The following CHID1 variants were observed in gnomAD, a reference collection of about 807,000 sequenced individuals.
CHID1 encodes chitinase domain-containing protein 1.
A neutral mutation model predicts 55.4 loss-of-function variants in CHID1; 44 were observed. That is an observed-to-expected ratio of 0.79 (90% CI 0.62 to 1.02). The LOEUF (loss-of-function observed/expected upper bound fraction) is 1.02. Among genes scored for constraint, CHID1 ranks in the 50% least tolerant of loss-of-function variants. CHID1 has a pLI of 0.00. For missense variants in CHID1, 491 were observed against 515.3 expected (o/e 0.95, Z 0.46); for synonymous variants, 216 against 212.9 (o/e 1.01, Z -0.13).
chr11:900,372 T>G (rs1851717993), intron 5 of CHID1, among the ~76,000 whole-genome samples: 1 of 152,144 alleles, frequency 6.6e-6, no homozygotes, highest in South Asian at 2.1e-4. Context: ...CCCACACGGC[T>G]CAGCATGGTT....
chr11:913,142 C>CT (rs72085857), upstream of CHID1, among the ~76,000 whole-genome samples: 1 of 100,050 alleles, frequency 1.0e-5, no homozygotes, highest in Non-Finnish European at 2.4e-5. Context: ...AGGAAAATTG[C>CT]CCCCCCCCGC....
intron 10 of CHID1, among the ~76,000 whole-genome samples, chr11:878,849 G>T (rs1849695915): frequency 6.6e-6 from 1 of 151,122 alleles, no homozygotes; most frequent in African/African-American, 2.4e-5. Flanking sequence ...ACCACACCCG[G>T]CTAATTTTTT....
chr11:915,018 T>A (rs1191397346), upstream of CHID1: 1 of 162,174 alleles, frequency 6.2e-6, no homozygotes, highest in Admixed American at 6.4e-5. Context: ...AACATTCTAG[T>A]TCAGAGGCCG....
chr11:897,406 C>T (rs1222982513), intron 7 of CHID1, among the ~76,000 whole-genome samples: 1 of 152,224 alleles, frequency 6.6e-6, no homozygotes, highest in African/African-American at 2.4e-5. Flanking sequence ...CCCACTCTCC[C>T]AGGATTAGTG....
intron 8 of CHID1, among the ~76,000 whole-genome samples, chr11:889,793 A>G (rs1850665889): frequency 6.6e-6 from 1 of 152,108 alleles, no homozygotes; most frequent in Non-Finnish European, 1.5e-5. Context: ...CCCAACCCTA[A>G]CAGATGCTGG....
rs146843043 is a variant in CHID1, at chr11:904,723, T to C, written c.94A>G (p.Lys32Glu). ...ACCCTTACCTTCTCCAGCAGCGTCTTTGAGGCGGCTTTTTTGGCATCTGAC... is the reference window on the plus strand; with the variant it reads ...ACCCTTACCTTCTCCAGCAGCGTCTCTGAGGCGGCTTTTTTGGCATCTGAC... ...SKSDAKKAAS[K>E]TLLEKSQFSD... The change falls in exon 2 of 13, where the codon AAG becomes GAG. Residue 32 changes from lysine to glutamate, a missense_variant. By Grantham distance (56) the Lys-to-Glu change is moderately conservative. Coordinates refer to ENST00000323578, the MANE Select transcript of CHID1 (RefSeq NM_023947.4). 51 of 1,614,126 alleles carry C rather than the reference T, an allele frequency of 3.2e-5. No individual in the cohort carries two copies. Among genetic ancestry groups the C allele is most frequent in the African/African-American group, 5.3e-5 (4 of 75,042 alleles).
chr11:893,853 T>C (rs1201569015), intron 7 of CHID1, among the ~76,000 whole-genome samples: 2 of 147,428 alleles, frequency 1.4e-5, no homozygotes, highest in East Asian at 2.0e-4. Context: ...AAAAAAAAGC[T>C]GGGCACGGTG....
intron 1 of CHID1, chr11:908,549 G>A (rs1302290691): frequency 2.0e-6 from 2 of 984,798 alleles, no homozygotes; most frequent in Non-Finnish European, 2.4e-6. Flanking sequence ...TGCCTGGCCA[G>A]GCTGAAACGG....
chr11:898,076 G>C (rs868726305), intron 7 of CHID1, among the ~76,000 whole-genome samples: 1 of 152,146 alleles, frequency 6.6e-6, no homozygotes, highest in Non-Finnish European at 1.5e-5. Context: ...CCACTCACAG[G>C]GGCAGGGCCT....
intron 8 of CHID1, among the ~76,000 whole-genome samples, chr11:891,298 C>T (rs774168473): frequency 2.0e-5 from 3 of 152,184 alleles, no homozygotes; most frequent in Admixed American, 6.5e-5. Context: ...GGACCCCCAC[C>T]GTGGGCCTCG....
At chr11:902,135 C>T in intron 4 of CHID1, 63 bp downstream of exon 4, 1 of 1,599,106 alleles carries the variant, frequency 6.3e-7, no homozygotes, top group Non-Finnish European at 8.6e-7. Flanking sequence ...CACACCCCTG[C>T]TCTCGCACTC....
chr11:901,058 G>A (rs1053854615), intron 4 of CHID1, 78 bp from the exon 5 acceptor site: 30 of 1,372,468 alleles, frequency 2.2e-5, no homozygotes, highest in Non-Finnish European at 2.6e-5. Context: ...GGAGGAAAAC[G>A]TGGCAGCCGC....
intron 10 of CHID1, among the ~76,000 whole-genome samples, chr11:881,087 T>C (rs1849879607): frequency 6.6e-6 from 1 of 152,064 alleles, no homozygotes; most frequent in South Asian, 2.1e-4. Context: ...TGAATCCCAA[T>C]CTGCAAAAGT....
chr11:870,586 G>A (rs912964246), intron 10 of CHID1, 87 bp from the exon 11 acceptor site: 15 of 953,116 alleles, frequency 1.6e-5, no homozygotes, highest in South Asian at 1.3e-4. Flanking sequence ...GCTCTCAGCA[G>A]GGGCAGGGCC....
chr11:873,583 C>T (rs1386489635), intron 10 of CHID1, among the ~76,000 whole-genome samples: 1 of 151,948 alleles, frequency 6.6e-6, no homozygotes, highest in Non-Finnish European at 1.5e-5. Context: ...AAGGGAGGGA[C>T]AAGCACATGG....
At chr11:888,479 C>T (rs1241757049) in intron 8 of CHID1, among the ~76,000 whole-genome samples, 2 of 152,266 alleles carry the variant, frequency 1.3e-5, no homozygotes, top group South Asian at 2.1e-4. Flanking sequence ...AGCCATCTGT[C>T]TCCGTGCCCC....
At chr11:900,250 G>C in intron 5 of CHID1, 140 bp from the exon 6 acceptor site, 1 of 653,662 alleles carries the variant, frequency 1.5e-6, no homozygotes, top group East Asian at 2.7e-5. Flanking sequence ...AGGCCACCTG[G>C]AGCACCCACA....
chr11:873,286 C>T (rs1849293736), intron 10 of CHID1, among the ~76,000 whole-genome samples: 1 of 152,118 alleles, frequency 6.6e-6, no homozygotes, highest in South Asian at 2.1e-4. Context: ...CGCAGACACA[C>T]ACAGGGGCTG....
intron 1 of CHID1, 79 bp downstream of exon 1, chr11:910,696 C>T: frequency 2.4e-6 from 3 of 1,261,076 alleles, no homozygotes; most frequent in Non-Finnish European, 3.1e-6. Flanking sequence ...AGCCTCGCTG[C>T]CCGGCGCGCC....
Sources: gnomAD v4.1 joint callset for allele counts (sites outside exome capture counted in the v4.1 genomes callset) on GRCh38, gnomAD v4.1.1 for gene constraint, MANE v1.5 for transcripts, NCBI Gene and HGNC (gene_info 2026-07-23, HGNC 2026-07-21) for gene names.